Variants in PROM1 observed in about 807,000 individuals in gnomAD.
PROM1 encodes the protein prominin 1.
In PROM1, 105 loss-of-function variants were observed where a neutral mutation model predicts 116.9. The ratio of observed to expected loss-of-function variants is 0.90; its 90% CI spans 0.77 to 1.06. The LOEUF (loss-of-function observed/expected upper bound fraction) is 1.06. Ranked by LOEUF, PROM1 falls within the 50% of genes least tolerant of loss-of-function variation. The pLI, the probability that PROM1 is intolerant of heterozygous loss-of-function variation, is 0.00. For synonymous variants in PROM1, 393 were observed against 387.0 expected, an observed-to-expected ratio of 1.02 and a Z score of -0.18; for missense variants, 1,122 against 1,045.2, an observed-to-expected ratio of 1.07 and a Z score of -1.01.
chr4:16,049,507 C>T (rs12648713), intron 2 of PROM1, among the ~76,000 whole-genome samples: 126,640 of 152,084 alleles, frequency 0.83, 53,108 homozygotes, highest in East Asian at 0.94. Flanking sequence ...ATCTCCCTCT[C>T]CCCCCACCCA....
chr4:16,014,487 A>G (rs1185580929), intron 10 of PROM1, among the ~76,000 whole-genome samples: 1 of 152,210 alleles, frequency 6.6e-6, no homozygotes, highest in Non-Finnish European at 1.5e-5. Context: ...ATTTGGAATA[A>G]CTTGTTTAAG....
intron 2 of PROM1, among the ~76,000 whole-genome samples, chr4:16,057,489 C>T (rs956363564): frequency 9.2e-5 from 14 of 152,212 alleles, no homozygotes; most frequent in African/African-American, 3.1e-4. Flanking sequence ...TGAACAGTCA[C>T]ATCACCACCT....
chr4:16,078,782 G>T (rs1744461765), intron 1 of PROM1, among the ~76,000 whole-genome samples: 1 of 152,148 alleles, frequency 6.6e-6, no homozygotes, highest in Admixed American at 6.5e-5. Context: ...ACAACAGATG[G>T]GATTTCTTGA....
rs542200726 is a variant in PROM1 at position 16,054,137 on chromosome 4, T to C, written c.221-15136A>G. Among the ~76,000 whole-genome samples, 18 of 152,308 alleles carry C rather than the reference T, an allele frequency of 1.2e-4. No individual in the cohort carries two copies. The South Asian group carries it at 2.7e-3, about 23-fold the overall frequency. The stretch of plus-strand genomic sequence containing the variant: ...TAATTTATAAGACGTCTTACCTCCC[T>C]TGCATTCCATCATCCAGTTCAGATC... On this transcript the variant is annotated intron_variant, in intron 2 of 27. Transcript: ENST00000447510.
chr4:16,003,348 A>G (rs1275708063), intron 13 of PROM1: 1 of 456,480 alleles, frequency 2.2e-6, no homozygotes, highest in Non-Finnish European at 4.4e-6. Context: ...TACTTCCTTC[A>G]CCTAGATTCC....
intron 7 of PROM1, 113 bp downstream of exon 7, chr4:16,024,182 T>A (rs1730630510): frequency 1.5e-5 from 14 of 936,486 alleles, no homozygotes; most frequent in Non-Finnish European, 2.0e-5. Context: ...GGCTAGGGAA[T>A]CATCTTTCTG....
In PROM1 at chr4:16,070,633, G is replaced by T. The variant is rs141373631; in HGVS notation, c.220+5054C>A. Reference sequence around the variant, plus strand: ...AAGTAAGTCTTACAGCAGATACTGAGAACTGCAGAAAAGAACAAAGAAACC... The same window carrying T: ...AAGTAAGTCTTACAGCAGATACTGATAACTGCAGAAAAGAACAAAGAAACC... On this transcript the variant is annotated intron_variant, in intron 2 of 27. Coordinates refer to ENST00000447510, the MANE Select transcript of PROM1 (RefSeq NM_006017.3). 3.0e-3 allele frequency among the ~76,000 whole-genome samples: 452 copies of T among 152,286 alleles called. 2 individuals carry two copies. The highest frequency in any genetic ancestry group is 0.01 in the African/African-American group (422 of 41,550).
chr4:16,045,722 A>G (rs1736396715), intron 2 of PROM1, among the ~76,000 whole-genome samples: 1 of 152,150 alleles, frequency 6.6e-6, no homozygotes, highest in Non-Finnish European at 1.5e-5. Context: ...ACCCACATAC[A>G]CTGAGATTTT....
chr4:16,078,984 G>A (rs1162290888), intron 1 of PROM1, among the ~76,000 whole-genome samples: 3 of 152,218 alleles, frequency 2.0e-5, no homozygotes, highest in East Asian at 1.9e-4. Context: ...TTCAGGTTAC[G>A]CCCACCGTCA....
At chr4:16,066,330 G>C (rs752220913) in intron 2 of PROM1, among the ~76,000 whole-genome samples, 1 of 152,116 alleles carries the variant, frequency 6.6e-6, no homozygotes, top group Non-Finnish European at 1.5e-5. Context: ...CAAACACTTA[G>C]TATCTACCAA....
intron 3 of PROM1, among the ~76,000 whole-genome samples, chr4:16,037,066 G>A (rs1734095524): frequency 6.6e-6 from 1 of 152,142 alleles, no homozygotes; most frequent in African/African-American, 2.4e-5. Context: ...CCCTGCCAGG[G>A]ACGGTGGCAG....
At chr4:16,027,848 T>C (rs911723665) in intron 5 of PROM1, among the ~76,000 whole-genome samples, 3 of 152,222 alleles carry the variant, frequency 2.0e-5, no homozygotes, top group Non-Finnish European at 4.4e-5. Context: ...AGTCAGAAAC[T>C]GTCTTTGTGC....
At chr4:15,979,755 C>T in intron 25 of PROM1, 126 bp downstream of exon 25, 1 of 998,154 alleles carries the variant, frequency 1.0e-6, no homozygotes, top group Non-Finnish European at 1.5e-6. Context: ...TTTATTTTTG[C>T]CTGTACAGAT....
At chr4:16,004,806 T>TCTTTCTTTCTTTCTTTCTTTC (rs1349333568) in intron 13 of PROM1, among the ~76,000 whole-genome samples, 28 of 80,056 alleles carry the variant, frequency 3.5e-4, no homozygotes, top group African/African-American at 1.4e-3. Context: ...TTGCAGCTAA[T>TCTTTCTTTCTTTCTTTCTTTC]CTTTCTTTCT....
At chr4:16,040,400 T>C (rs904339254) in intron 2 of PROM1, among the ~76,000 whole-genome samples, 1 of 152,216 alleles carries the variant, frequency 6.6e-6, no homozygotes, top group African/African-American at 2.4e-5. Context: ...CACAGGCTAC[T>C]TCCCCCTTCA....
chr4:16,036,377 C>T (rs753763439), intron 3 of PROM1, among the ~76,000 whole-genome samples: 20 of 152,210 alleles, frequency 1.3e-4, no homozygotes, highest in African/African-American at 1.7e-4. Context: ...CAGATCTTCA[C>T]AGCTCTGAGG....
Position 16,023,340 on chromosome 4 carries a change from T to A in PROM1, c.770A>T (p.Lys257Met). 6.2e-7 allele frequency: 1 copy of A among 1,604,724 alleles called. No homozygotes were observed. The highest frequency in any genetic ancestry group is 1.1e-5 in the South Asian group (1 of 89,222). ...CCACTGCTTACCTGTTGCCATGGAC[T>A]TAATCTCATCAAGAACAGGGATGAT... ...PNIIPVLDEI[K>M]SMATAIKETK... is the part of the protein sequence containing the mutation. Residue 257 changes from lysine (K) to methionine (M), a missense_variant, in exon 8 of 28, where the codon AAG becomes ATG. Coordinates refer to ENST00000447510, the MANE Select transcript of PROM1 (RefSeq NM_006017.3).
chr4:16,023,460 A>T (rs773635595), intron 7 of PROM1, 45 bp from the exon 8 acceptor site: 2 of 1,417,334 alleles, frequency 1.4e-6, no homozygotes, highest in Middle Eastern at 1.8e-4. Context: ...GCCTCTGCTC[A>T]TCTCTCCACC....
chr4:15,973,268 G>A (rs1715119144), intron 26 of PROM1, among the ~76,000 whole-genome samples: 1 of 152,184 alleles, frequency 6.6e-6, no homozygotes, highest in African/African-American at 2.4e-5. Flanking sequence ...CCAATATAGT[G>A]AAACTCCATC....
Sources: gnomAD v4.1 joint callset for allele counts (sites outside exome capture counted in the v4.1 genomes callset) on GRCh38, gnomAD v4.1.1 for gene constraint, MANE v1.5 for transcripts, NCBI Gene and HGNC (gene_info 2026-07-23, HGNC 2026-07-21) for gene names.